DPYD: variants seen among roughly 807,000 people sequenced by gnomAD.
DPYD encodes dihydropyrimidine dehydrogenase [NADP(+)].
DPYD carries 109 observed loss-of-function variants against 116.2 expected under a neutral mutation model. The observed-to-expected ratio is 0.94, with a 90% confidence interval of 0.80 to 1.10. DPYD has a LOEUF of 1.10. Ranked by LOEUF, DPYD falls within the 50% of genes least tolerant of loss-of-function variation. The pLI, the probability that DPYD is intolerant of heterozygous loss-of-function variation, is 0.00. For synonymous variants in DPYD, 440 were observed against 432.0 expected (o/e 1.02, Z -0.23); for missense variants, 1,302 against 1,254.5 (o/e 1.04, Z -0.57).
intron 21 of DPYD, among the ~76,000 whole-genome samples, chr1:97,094,279 G>A (rs1650086307): frequency 6.6e-6 from 1 of 152,022 alleles, no homozygotes; most frequent in South Asian, 2.1e-4. Context: ...TTTTAAGCAA[G>A]GGATAAAACA....
chr1:97,444,615 A>G (rs1675974032), intron 14 of DPYD, among the ~76,000 whole-genome samples: 1 of 152,174 alleles, frequency 6.6e-6, no homozygotes, highest in Non-Finnish European at 1.5e-5. Flanking sequence ...ACATATATAT[A>G]CATATATACA....
intron 3 of DPYD, among the ~76,000 whole-genome samples, chr1:97,802,627 GA>G (rs1295066805): frequency 6.6e-6 from 1 of 151,788 alleles, no homozygotes; most frequent in Non-Finnish European, 1.5e-5. Flanking sequence ...TCACTGTCAA[GA>G]GACACCTGAC....
At chr1:97,119,025 C>T (rs1417796821) in intron 20 of DPYD, among the ~76,000 whole-genome samples, 1 of 151,764 alleles carries the variant, frequency 6.6e-6, no homozygotes, top group East Asian at 1.9e-4. Flanking sequence ...ACTTTGGGGA[C>T]AGAAGGTTCT....
At chr1:97,801,897 ATTTAT>A (rs1232353951) in intron 3 of DPYD, among the ~76,000 whole-genome samples, 1 of 151,916 alleles carries the variant, frequency 6.6e-6, no homozygotes, top group Non-Finnish European at 1.5e-5. Context: ...GATAAAGATT[ATTTAT>A]TTTATTATTT....
intron 14 of DPYD, among the ~76,000 whole-genome samples, chr1:97,400,245 T>C (rs1427826876): frequency 6.6e-6 from 1 of 152,222 alleles, no homozygotes; most frequent in East Asian, 1.9e-4. Flanking sequence ...ATATGCTGGA[T>C]TACGTTTATT....
At chr1:97,191,183 A>G (rs551078987) in intron 20 of DPYD, among the ~76,000 whole-genome samples, 10 of 152,098 alleles carry the variant, frequency 6.6e-5, no homozygotes, top group Non-Finnish European at 1.5e-4. Context: ...AGTATAATAA[A>G]AAATATAAAC....
intron 20 of DPYD, among the ~76,000 whole-genome samples, chr1:97,104,419 A>G (rs1650984327): frequency 6.6e-6 from 1 of 152,130 alleles, no homozygotes; most frequent in Non-Finnish European, 1.5e-5. Flanking sequence ...AAGGAGCCAG[A>G]CACTTGAAAT....
chr1:97,914,565 T>C (rs1674127271), intron 1 of DPYD, among the ~76,000 whole-genome samples: 1 of 152,132 alleles, frequency 6.6e-6, no homozygotes, highest in African/African-American at 2.4e-5. Context: ...AATCCATATG[T>C]ATGTTGCAGT....
intron 20 of DPYD, among the ~76,000 whole-genome samples, chr1:97,102,396 C>CATATATATATATATAT (rs372249411): frequency 0.028 from 2,700 of 96,990 alleles, 142 homozygotes; most frequent in Middle Eastern, 0.063. Flanking sequence ...CACTCAGTAT[C>CATATATATATATATAT]ATATATATAT....
chr1:97,581,165 A>AACAACG (rs1653636484), intron 10 of DPYD, among the ~76,000 whole-genome samples: 1 of 151,380 alleles, frequency 6.6e-6, no homozygotes, highest in South Asian at 2.1e-4. Context: ...CAACAACAAC[A>AACAACG]ACAACAACAA....
intron 14 of DPYD, among the ~76,000 whole-genome samples, chr1:97,415,686 T>C (rs1056062731): frequency 2.6e-5 from 4 of 152,200 alleles, no homozygotes; most frequent in Non-Finnish European, 5.9e-5. Context: ...GAGATACTTA[T>C]GAGGAATGTG....
intron 18 of DPYD, among the ~76,000 whole-genome samples, chr1:97,258,791 T>C (rs1663683421): frequency 6.6e-6 from 1 of 152,162 alleles, no homozygotes; most frequent in Non-Finnish European, 1.5e-5. Flanking sequence ...ATGGTGGTGT[T>C]GCATAAGGAC....
chr1:97,215,791 G>A (rs1193093610), intron 19 of DPYD, among the ~76,000 whole-genome samples: 3 of 152,066 alleles, frequency 2.0e-5, no homozygotes, highest in Non-Finnish European at 4.4e-5. Flanking sequence ...AAATATAAAC[G>A]TTCCCATTTT....
chr1:97,676,552 G>A (rs1200363640), intron 8 of DPYD, among the ~76,000 whole-genome samples: 2 of 152,098 alleles, frequency 1.3e-5, no homozygotes, highest in South Asian at 2.1e-4. Flanking sequence ...CTGCCCAAAT[G>A]TATATCCTAA....
intron 1 of DPYD, among the ~76,000 whole-genome samples, chr1:97,915,905 CT>C (rs529813948): frequency 9.9e-4 from 150 of 152,196 alleles, no homozygotes; most frequent in African/African-American, 3.4e-3. Flanking sequence ...TTACGACAAT[CT>C]TTTTTCAGTC....
At chr1:97,594,227 A>C (rs1194722498) in intron 9 of DPYD, among the ~76,000 whole-genome samples, 1 of 152,184 alleles carries the variant, frequency 6.6e-6, no homozygotes, top group Non-Finnish European at 1.5e-5. Flanking sequence ...TTTTGCTTGG[A>C]AGATTTTGTA....
chr1:97,131,712 T>C (rs1288591350), intron 20 of DPYD, among the ~76,000 whole-genome samples: 5 of 152,074 alleles, frequency 3.3e-5, no homozygotes, highest in African/African-American at 1.2e-4. Context: ...GAAATCAAGG[T>C]GCTCCTACTG....
chr1:97,862,938 T>C (rs535377189), intron 2 of DPYD, among the ~76,000 whole-genome samples: 19 of 151,950 alleles, frequency 1.3e-4, no homozygotes, highest in Non-Finnish European at 2.7e-4. Context: ...ATCTCGAATA[T>C]CTACTAGGCA....
chr1:97,393,409 C>A (rs1672825153), intron 14 of DPYD, among the ~76,000 whole-genome samples: 1 of 151,806 alleles, frequency 6.6e-6, no homozygotes. Context: ...TCGTCATTTA[C>A]ATTAGGTATA....
Sources: allele counts gnomAD v4.1 joint callset (sites outside exome capture counted in the v4.1 genomes callset), GRCh38; gene constraint gnomAD v4.1.1; transcripts MANE v1.5; gene names NCBI Gene and HGNC (gene_info 2026-07-23, HGNC 2026-07-21).